Variants in SLC15A5 observed in about 807,000 individuals in gnomAD.
SLC15A5 encodes the protein Peptide/histidine transporter ENSP00000340402.
SLC15A5 carries 58 observed loss-of-function variants against 56.1 expected under a neutral mutation model. That is an observed-to-expected ratio of 1.03 (90% confidence interval 0.84 to 1.29). The LOEUF is 1.29. Among genes scored for constraint, SLC15A5 ranks in the 50% most tolerant of loss-of-function variants. The pLI is 0.00. For synonymous variants in SLC15A5, 264 were observed against 250.5 expected (o/e 1.05, Z -0.51); for missense variants, 681 against 672.1 (o/e 1.01, Z -0.15).
intron 3 of SLC15A5, among the ~76,000 whole-genome samples, chr12:16,253,918 C>T (rs1418389682): frequency 1.3e-5 from 2 of 152,086 alleles, no homozygotes; most frequent in Non-Finnish European, 2.9e-5. Flanking sequence ...TATGATTCAG[C>T]AATCCCACTT....
At chr12:16,239,350 T>C (rs1376578602) in intron 5 of SLC15A5, among the ~76,000 whole-genome samples, 1 of 152,238 alleles carries the variant, frequency 6.6e-6, no homozygotes, top group Non-Finnish European at 1.5e-5. Context: ...AATTAACTGT[T>C]TATTTTTAAG....
At chr12:16,193,792 AG>A (rs1863863339) in intron 8 of SLC15A5, among the ~76,000 whole-genome samples, 1 of 25,162 alleles carries the variant, frequency 4.0e-5, no homozygotes, top group African/African-American at 2.2e-4. Context: ...AGAGAGAGAG[AG>A]AGAGAGAGAG....
intron 3 of SLC15A5, among the ~76,000 whole-genome samples, chr12:16,255,857 A>G (rs1005162303): frequency 6.6e-6 from 1 of 152,168 alleles, no homozygotes; most frequent in Admixed American, 6.5e-5. Flanking sequence ...CAGACAATAT[A>G]TATGCCTACA....
At chr12:16,239,400 A>G (rs978806831) in intron 5 of SLC15A5, among the ~76,000 whole-genome samples, 4 of 152,198 alleles carry the variant, frequency 2.6e-5, no homozygotes, top group African/African-American at 9.6e-5. Flanking sequence ...GGACTGCCTG[A>G]CTTTAAGGAT....
chr12:16,251,294 A>C (rs1864516142), intron 3 of SLC15A5, among the ~76,000 whole-genome samples: 2 of 151,928 alleles, frequency 1.3e-5, no homozygotes, highest in Non-Finnish European at 2.9e-5. Context: ...CTAGAGAAAG[A>C]ACAAACAACA....
intron 3 of SLC15A5, among the ~76,000 whole-genome samples, chr12:16,250,292 G>A (rs1213377225): frequency 1.3e-5 from 2 of 151,962 alleles, no homozygotes; most frequent in Non-Finnish European, 2.9e-5. Flanking sequence ...ATTTCAACAT[G>A]TGGTAAATAA....
At chr12:16,221,873 G>GGAGAGGT (rs1864190569) in intron 6 of SLC15A5, among the ~76,000 whole-genome samples, 1 of 151,990 alleles carries the variant, frequency 6.6e-6, no homozygotes, top group African/African-American at 2.4e-5. Flanking sequence ...GGATTGGAGG[G>GGAGAGGT]GAGAGGTGAG....
chr12:16,244,327 C>T (rs1026215099), intron 4 of SLC15A5, among the ~76,000 whole-genome samples: 2 of 152,176 alleles, frequency 1.3e-5, no homozygotes, highest in Non-Finnish European at 2.9e-5. Context: ...TTCTGAAGTA[C>T]TGTCTGCACC....
At chr12:16,200,810 A>G (rs1863947538) in intron 7 of SLC15A5, among the ~76,000 whole-genome samples, 1 of 152,296 alleles carries the variant, frequency 6.6e-6, no homozygotes, top group African/African-American at 2.4e-5. Context: ...ATTAAAATAA[A>G]TCAAATAAAC....
intron 3 of SLC15A5, among the ~76,000 whole-genome samples, chr12:16,257,088 T>A (rs903588459): frequency 4.6e-5 from 7 of 152,044 alleles, no homozygotes; most frequent in African/African-American, 1.7e-4. Context: ...TTGATGGTGT[T>A]AAGAAATTTT....
In SLC15A5 at chr12:16,237,897, T is replaced by C. The variant is rs1212226299; in HGVS notation, c.1162+1784A>G. Among the ~76,000 whole-genome samples, 1 of 152,224 alleles carries C rather than the reference T, an allele frequency of 6.6e-6. No individual in the cohort carries two copies. The highest frequency in any genetic ancestry group is 1.5e-5 in the Non-Finnish European group (1 of 68,038). ...ACTTGCTGAAGGTATATACAAACCA[T>C]GTCTTACTTTTCCTTTTTTATCTTT... On this transcript the variant is annotated intron_variant, in intron 5 of 8. Coordinates refer to ENST00000344941, the MANE Select transcript of SLC15A5 (RefSeq NM_001170798.1). The surrounding 1 kb of genome is among the most constrained non-coding windows in gnomAD (Gnocchi z 4.1).
chr12:16,264,964 T>C lies in SLC15A5; in HGVS notation c.585-7094A>G, dbSNP rs544709741. On this transcript the variant is annotated intron_variant, in intron 2 of 8. Coordinates refer to ENST00000344941, the MANE Select transcript of SLC15A5 (RefSeq NM_001170798.1). ...GTGGACTAATACAGTGATTAAGGGA[T>C]GAAATATTAGAAGAAAAGATAAACC... is the stretch of plus-strand genomic sequence containing the variant. Among the ~76,000 whole-genome samples, 12 of 152,256 alleles carry C rather than the reference T, an allele frequency of 7.9e-5. No individual in the cohort carries two copies. In the East Asian group the frequency reaches 2.3e-3, roughly 29 times the overall value.
At chr12:16,211,305 G>A (rs1219820739) in intron 7 of SLC15A5, among the ~76,000 whole-genome samples, 3 of 152,138 alleles carry the variant, frequency 2.0e-5, no homozygotes, top group Non-Finnish European at 4.4e-5. Context: ...CATTCGTGCC[G>A]ACATAACTGT....
At chr12:16,192,354 A>G (rs2136236543) in intron 8 of SLC15A5, among the ~76,000 whole-genome samples, 1 of 152,216 alleles carries the variant, frequency 6.6e-6, no homozygotes, top group Non-Finnish European at 1.5e-5. Context: ...TTTGGTAAGA[A>G]TCAGATTCAT....
intron 7 of SLC15A5, among the ~76,000 whole-genome samples, chr12:16,205,590 T>TATATACAC (rs775209178): frequency 1.7e-4 from 10 of 57,150 alleles, no homozygotes; most frequent in African/African-American, 6.6e-4. Context: ...CATATATATA[T>TATATACAC]ACATATACAC....
At chr12:16,232,786 C>A (rs1272334395) in intron 5 of SLC15A5, among the ~76,000 whole-genome samples, 1 of 151,982 alleles carries the variant, frequency 6.6e-6, no homozygotes, top group Non-Finnish European at 1.5e-5. Context: ...TGTGGTGGCA[C>A]ATAACTGTAA....
At chr12:16,203,248 A>G (rs1863980261) in intron 7 of SLC15A5, among the ~76,000 whole-genome samples, 1 of 152,140 alleles carries the variant, frequency 6.6e-6, no homozygotes, top group Non-Finnish European at 1.5e-5. Context: ...GATATATACA[A>G]TTACTATTTG....
intron 2 of SLC15A5, among the ~76,000 whole-genome samples, chr12:16,270,224 T>A (rs946487668): frequency 7.2e-5 from 11 of 152,160 alleles, no homozygotes; most frequent in Non-Finnish European, 1.3e-4. Context: ...CTACTTAACA[T>A]GATCATTGGG....
At chr12:16,222,072 G>T (rs1043959191) in intron 6 of SLC15A5, among the ~76,000 whole-genome samples, 3 of 152,138 alleles carry the variant, frequency 2.0e-5, no homozygotes, top group Admixed American at 2.0e-4. Flanking sequence ...AAAAGTAATT[G>T]TGGTTTTTGC....
Sources: allele counts gnomAD v4.1 joint callset (sites outside exome capture counted in the v4.1 genomes callset), GRCh38; gene constraint gnomAD v4.1.1; non-coding constraint Gnocchi (gnomAD v3.1); transcripts MANE v1.5; gene names NCBI Gene and HGNC (gene_info 2026-07-23, HGNC 2026-07-21).